The following ALK variants were observed in gnomAD, a reference collection of about 807,000 sequenced individuals.
The protein encoded by ALK is ALK tyrosine kinase receptor.
In ALK, 74 loss-of-function variants were observed where a neutral mutation model predicts 163.1. The observed-to-expected ratio is 0.45, with a 90% confidence interval of 0.38 to 0.55. The LOEUF is 0.55. Among genes scored for constraint, ALK ranks in the 20% least tolerant of loss-of-function variants. The pLI is 0.00. For missense variants in ALK, 2,063 were observed against 2,105.3 expected, an observed-to-expected ratio of 0.98 and a Z score of 0.39; for synonymous variants, 960 against 843.2, an observed-to-expected ratio of 1.14 and a Z score of -2.40.
chr2:29,736,882 T>G (rs1345046048), intron 1 of ALK, among the ~76,000 whole-genome samples: 3 of 152,112 alleles, frequency 2.0e-5, no homozygotes, highest in Non-Finnish European at 4.4e-5. Context: ...CTTAAAATAT[T>G]TTTTATTAAT....
chr2:29,406,058 A>G (rs1669572580), intron 4 of ALK, among the ~76,000 whole-genome samples: 1 of 152,200 alleles, frequency 6.6e-6, no homozygotes, highest in Non-Finnish European at 1.5e-5. Flanking sequence ...GATGCCAATA[A>G]TCAGAGCTAG....
chr2:29,265,439 C>T (rs1055799909), intron 11 of ALK, among the ~76,000 whole-genome samples: 5 of 152,124 alleles, frequency 3.3e-5, no homozygotes, highest in East Asian at 1.9e-4. Context: ...AGTAGGATCA[C>T]GATCATAAAG....
chr2:29,818,110 T>C (rs532832248), intron 1 of ALK, among the ~76,000 whole-genome samples: 32 of 152,298 alleles, frequency 2.1e-4, no homozygotes, highest in African/African-American at 7.2e-4. Context: ...GTCAGACTTA[T>C]TATTCCTCTT....
At chr2:29,591,089 A>AC (rs1675044459) in intron 3 of ALK, among the ~76,000 whole-genome samples, 1 of 150,336 alleles carries the variant, frequency 6.7e-6, no homozygotes, top group African/African-American at 2.5e-5. Flanking sequence ...AAAAAAAAAA[A>AC]AAAAAAAAAA....
At chr2:29,545,773 C>T (rs1573445550) in intron 3 of ALK, among the ~76,000 whole-genome samples, 1 of 152,144 alleles carries the variant, frequency 6.6e-6, no homozygotes, top group East Asian at 1.9e-4. Context: ...GTTTTTGAGA[C>T]TGAATCATTA....
intron 24 of ALK, among the ~76,000 whole-genome samples, chr2:29,212,770 G>A (rs13022795): frequency 0.11 from 16,411 of 151,900 alleles, 1,015 homozygotes; most frequent in Non-Finnish European, 0.12. Flanking sequence ...GCAATGGCAC[G>A]ATCTCAGCTC....
chr2:29,240,152 C>CAGAGAGAGGGAGAGAGAGAGAG (rs142234574), intron 12 of ALK, among the ~76,000 whole-genome samples: 26 of 143,410 alleles, frequency 1.8e-4, no homozygotes, highest in African/African-American at 5.7e-4. Flanking sequence ...AGGGAAACAG[C>CAGAGAGAGGGAGAGAGAGAGAG]AGAGAGAGAG....
chr2:29,375,650 A>G (rs1386432305), intron 5 of ALK, among the ~76,000 whole-genome samples: 1 of 152,096 alleles, frequency 6.6e-6, no homozygotes, highest in Non-Finnish European at 1.5e-5. Flanking sequence ...AAACCCCACA[A>G]AAACCCAATC....
intron 4 of ALK, among the ~76,000 whole-genome samples, chr2:29,408,514 C>T (rs972687298): frequency 6.6e-6 from 1 of 152,078 alleles, no homozygotes; most frequent in African/African-American, 2.4e-5. Flanking sequence ...GCTCAGTCAC[C>T]CTGAACCAAT....
intron 3 of ALK, among the ~76,000 whole-genome samples, chr2:29,568,700 G>C (rs1674265881): frequency 6.6e-6 from 1 of 152,058 alleles, no homozygotes; most frequent in Admixed American, 6.5e-5. Flanking sequence ...TGTGGGTTCG[G>C]TTAGCAGAGG....
intron 1 of ALK, among the ~76,000 whole-genome samples, chr2:29,721,255 A>G (rs1336722500): frequency 6.6e-6 from 1 of 152,244 alleles, no homozygotes; most frequent in Non-Finnish European, 1.5e-5. Context: ...CTTCAGCTCC[A>G]GGGCTCATCT....
intron 1 of ALK, among the ~76,000 whole-genome samples, chr2:29,776,660 G>A (rs1681184739): frequency 6.6e-6 from 1 of 152,122 alleles, no homozygotes; most frequent in East Asian, 1.9e-4. Context: ...TGCTGGGCAT[G>A]GTGGCTTATG....
intron 4 of ALK, among the ~76,000 whole-genome samples, chr2:29,387,619 G>A (rs904363910): frequency 7.2e-5 from 11 of 152,078 alleles, no homozygotes; most frequent in African/African-American, 2.7e-4. Context: ...GTTCCCTAAG[G>A]GCCCTTATTG....
rs760683752 is a variant in ALK at position 29,408,081 on chromosome 2, C to CTTTTTTT, written c.1155-24223_1155-24222insAAAAAAA. Among the ~76,000 whole-genome samples, 11 of 140,850 alleles carry CTTTTTTT rather than the reference C, an allele frequency of 7.8e-5. 4 individuals are homozygous for CTTTTTTT. The highest frequency in any genetic ancestry group is 1.1e-4 in the African/African-American group (4 of 35,766). 92.4% of individuals were successfully genotyped at this position (140,850 alleles called of 152,430 possible). A position where few individuals can be genotyped will look rare whatever the true frequency, so the allele number is the denominator to read the frequency against. On this transcript the variant is annotated intron_variant, in intron 4 of 28. Transcript: ENST00000389048. ...TAGGCAAAGGTACTCAGGGAAAGTT[C>CTTTTTTT]TTTTTCTTTTTTTTTTTTTGAGATG...
At chr2:29,652,280 C>T (rs186154068) in intron 3 of ALK, among the ~76,000 whole-genome samples, 7 of 152,162 alleles carry the variant, frequency 4.6e-5, no homozygotes, top group East Asian at 3.9e-4. Context: ...GAACCCCTGG[C>T]TTAGGGTCTG....
In ALK at chr2:29,490,267, G is replaced by T. The variant is rs76557571; in HGVS notation, c.1154+41648C>A. ...TGACCTTGGCCTTGGGCGGAGGAGG[G>T]GCTAACACTCAGCGTGGCCTGGCTA... On this transcript the variant is annotated intron_variant, in intron 4 of 28. Coordinates refer to ENST00000389048, the MANE Select transcript of ALK (RefSeq NM_004304.5). Among the ~76,000 whole-genome samples the T allele has an allele frequency of 8.8e-3, 1,338 of 152,344 alleles. 20 individuals carry two copies. The highest frequency in any genetic ancestry group is 0.03 in the African/African-American group (1,264 of 41,572).
chr2:29,297,820 C>A (rs1310470343), intron 8 of ALK, among the ~76,000 whole-genome samples: 2 of 145,890 alleles, frequency 1.4e-5, no homozygotes, highest in Admixed American at 1.4e-4. Flanking sequence ...AGAGGTAGGA[C>A]ATACTATAAA....
Position 29,827,911 on chromosome 2 carries a change from A to C in ALK, c.667+92082T>G, listed in dbSNP as rs529266677. On this transcript the variant is annotated intron_variant, in intron 1 of 28. Transcript: ENST00000389048. ...TGGAGGCATCACGCTATCTGACTTC[A>C]AACTATACTACAAGGCTACAGTAAC... Among the ~76,000 whole-genome samples, 47 of 152,354 alleles carry C rather than the reference A, an allele frequency of 3.1e-4. 1 individual carries two copies. Among genetic ancestry groups the C allele is most frequent in the African/African-American group, 1.1e-3 (45 of 41,588 alleles).
intron 1 of ALK, among the ~76,000 whole-genome samples, chr2:29,849,156 C>T (rs560558538): frequency 4.9e-4 from 74 of 152,300 alleles, no homozygotes; most frequent in Non-Finnish European, 7.8e-4. Context: ...CACTCGGGCC[C>T]CTCCTCCTCA....
Sources: gnomAD v4.1 joint callset for allele counts (sites outside exome capture counted in the v4.1 genomes callset) on GRCh38, gnomAD v4.1.1 for gene constraint, MANE v1.5 for transcripts, NCBI Gene and HGNC (gene_info 2026-07-23, HGNC 2026-07-21) for gene names.